The following IRAK2 variants were observed in gnomAD, a reference collection of about 807,000 sequenced individuals.
IRAK2 encodes the protein interleukin 1 receptor associated kinase 2.
IRAK2 carries 57 observed loss-of-function variants against 72.0 expected under a neutral mutation model. That is an observed-to-expected ratio of 0.79 (90% CI 0.64 to 0.99). The LOEUF (loss-of-function observed/expected upper bound fraction) is 0.99. Among genes scored for constraint, IRAK2 ranks in the 50% least tolerant of loss-of-function variants. IRAK2 has a pLI of 0.00. For missense variants in IRAK2, 790 were observed against 794.4 expected (o/e 0.99, Z 0.07); for synonymous variants, 293 against 312.7 (o/e 0.94, Z 0.67).
At chr3:10,200,836 G>A (rs1697348434) in intron 3 of IRAK2, among the ~76,000 whole-genome samples, 3 of 152,224 alleles carry the variant, frequency 2.0e-5, no homozygotes, top group Non-Finnish European at 4.4e-5. Context: ...AGGAGTGCAA[G>A]GCTGTGGTGA....
At chr3:10,173,318 A>T (rs1291699158) in intron 1 of IRAK2, among the ~76,000 whole-genome samples, 1 of 152,200 alleles carries the variant, frequency 6.6e-6, no homozygotes, top group Non-Finnish European at 1.5e-5. Flanking sequence ...CTGTAGAAAA[A>T]GTCTGGAAGA....
At chr3:10,203,795 C>T (rs772993547) in intron 3 of IRAK2, among the ~76,000 whole-genome samples, 1 of 152,152 alleles carries the variant, frequency 6.6e-6, no homozygotes, top group Admixed American at 6.6e-5. Context: ...CCACGCCCAG[C>T]TAATTTTTTG....
intron 1 of IRAK2, among the ~76,000 whole-genome samples, chr3:10,172,291 T>A (rs1696805818): frequency 6.6e-6 from 1 of 151,286 alleles, no homozygotes. Context: ...GGTGTGAACC[T>A]GGGAGGTGGA....
chr3:10,213,011 G>A (rs1697546899), intron 4 of IRAK2, among the ~76,000 whole-genome samples, 196 bp from the exon 5 acceptor site: 2 of 151,692 alleles, frequency 1.3e-5, no homozygotes, highest in Admixed American at 6.6e-5. Context: ...CTCGTGATCC[G>A]CCCGCCTCGG....
Position 10,242,201 on chromosome 3 carries a change from G to GGACA in IRAK2, c.1853_1856dup (p.Ser619ArgfsTer4). The GGACA allele has an allele frequency of 6.2e-7, 1 of 1,612,348 alleles. No homozygotes were observed. The highest frequency in any genetic ancestry group is 8.5e-7 in the Non-Finnish European group (1 of 1,178,594). ...TTCTGCTCTACAAAGAGGAAAAAGTGGACAGCATTGAGCTCTTTGGCCCCT... is the reference window on the plus strand; with the variant it reads ...TTCTGCTCTACAAAGAGGAAAAAGTGGACAGACAGCATTGAGCTCTTTGGCCCCT... On this transcript the variant is annotated frameshift_variant, in exon 13 of 13. Transcript: ENST00000256458. LOFTEE classifies it high-confidence loss of function.
At chr3:10,177,075 A>G (rs1015062625) in intron 1 of IRAK2, among the ~76,000 whole-genome samples, 1 of 152,086 alleles carries the variant, frequency 6.6e-6, no homozygotes, top group African/African-American at 2.4e-5. Context: ...TGCTGGGATT[A>G]CAGGTGTGAG....
In IRAK2 at chr3:10,243,311, G is replaced by T. The variant is rs540203196; in HGVS notation, c.*1083G>T. 1.3e-5 allele frequency: 2 copies of T among 152,614 alleles called. No individual in the cohort carries two copies. Among genetic ancestry groups the T allele is most frequent in the Admixed American group, 1.3e-4 (2 of 15,272 alleles). 9.5% of individuals were successfully genotyped at this position (152,614 alleles called of 1,614,324 possible). On this transcript the variant is annotated 3_prime_UTR_variant, in exon 13 of 13. Coordinates refer to ENST00000256458, the MANE Select transcript of IRAK2 (RefSeq NM_001570.4). ...GCCTATCAAAGTGTTGGGATTACAG[G>T]CTTGAGCCACCGCACCCGGCCGAGA...
intron 1 of IRAK2, among the ~76,000 whole-genome samples, chr3:10,166,127 G>A (rs1696685541): frequency 6.6e-6 from 1 of 152,154 alleles, no homozygotes; most frequent in African/African-American, 2.4e-5. Context: ...TATCATATTT[G>A]TGATTAAATG....
chr3:10,168,759 T>G (rs1216478069), intron 1 of IRAK2, among the ~76,000 whole-genome samples: 2 of 152,188 alleles, frequency 1.3e-5, no homozygotes, highest in Non-Finnish European at 2.9e-5. Flanking sequence ...CCTCCTCTTC[T>G]TCCACACCCA....
chr3:10,234,830 C>T (rs1467080512), intron 11 of IRAK2, among the ~76,000 whole-genome samples, 171 bp downstream of exon 11: 1 of 152,212 alleles, frequency 6.6e-6, no homozygotes, highest in East Asian at 1.9e-4. Context: ...ATGGATAGTG[C>T]GGAGCCCGAG....
At chr3:10,168,096 T>G (rs180764933) in intron 1 of IRAK2, among the ~76,000 whole-genome samples, 1 of 152,320 alleles carries the variant, frequency 6.6e-6, no homozygotes, top group East Asian at 1.9e-4. Flanking sequence ...TGCATCTGGC[T>G]TTATGTTTAA....
chr3:10,168,458 G>A (rs111796905), intron 1 of IRAK2, among the ~76,000 whole-genome samples: 19,143 of 151,232 alleles, frequency 0.13, 1,528 homozygotes, highest in Admixed American at 0.24. Context: ...TGATCTGCCC[G>A]CCTCGGCCTC....
At chr3:10,210,635 C>G (rs1697503075) in intron 4 of IRAK2, among the ~76,000 whole-genome samples, 1 of 150,814 alleles carries the variant, frequency 6.6e-6, no homozygotes, top group Admixed American at 6.6e-5. Flanking sequence ...GCCTGTAGTC[C>G]TGGCTATTTG....
intron 1 of IRAK2, among the ~76,000 whole-genome samples, chr3:10,174,317 T>C (rs917320539): frequency 2.0e-5 from 3 of 152,100 alleles, no homozygotes; most frequent in African/African-American, 7.2e-5. Flanking sequence ...CACCAGCCCA[T>C]TTTGTCCAAA....
chr3:10,177,816 G>A lies in IRAK2; in HGVS notation c.95-22G>A, dbSNP rs760085791. The A allele has an allele frequency of 3.1e-6, 5 of 1,607,948 alleles. 1 individual carries two copies. The East Asian group carries it at 1.1e-4, about 36-fold the overall frequency. On this transcript the variant is annotated intron_variant, in intron 1 of 12. Coordinates refer to ENST00000256458, the MANE Select transcript of IRAK2 (RefSeq NM_001570.4). ...GGGACTGCCTCTCTGACTCTAAGCA[G>A]AGTTCTCTCCGTCCCTTCCAGCCTC...
chr3:10,225,868 T>G (rs894906848), intron 9 of IRAK2, among the ~76,000 whole-genome samples: 3 of 152,028 alleles, frequency 2.0e-5, no homozygotes, highest in Non-Finnish European at 4.4e-5. Context: ...CTGGCTCATT[T>G]TTTTGTATCT....
intron 3 of IRAK2, among the ~76,000 whole-genome samples, chr3:10,201,801 T>C (rs1697364622): frequency 6.6e-6 from 1 of 152,184 alleles, no homozygotes; most frequent in Non-Finnish European, 1.5e-5. Context: ...AGACCCCAAA[T>C]CCATGTAATC....
intron 1 of IRAK2, among the ~76,000 whole-genome samples, chr3:10,172,649 C>T (rs1696815562): frequency 7.0e-6 from 1 of 143,828 alleles, no homozygotes; most frequent in Admixed American, 7.2e-5. Flanking sequence ...CCCAGCCTGG[C>T]CAACATAGTG....
chr3:10,202,004 G>A (rs1697367984), intron 3 of IRAK2, among the ~76,000 whole-genome samples: 1 of 152,150 alleles, frequency 6.6e-6, no homozygotes, highest in Non-Finnish European at 1.5e-5. Flanking sequence ...ATCACGTTGT[G>A]GTAAGAAATC....
Sources: allele counts gnomAD v4.1 joint callset (sites outside exome capture counted in the v4.1 genomes callset), GRCh38; gene constraint gnomAD v4.1.1; transcripts MANE v1.5; gene names NCBI Gene and HGNC (gene_info 2026-07-23, HGNC 2026-07-21).